Variants in PSME2 observed in about 807,000 individuals in gnomAD.
PSME2 encodes proteasome activator complex subunit 2.
Under a neutral mutation model 38.8 loss-of-function variants are expected in PSME2, and 20 were observed. That is an observed-to-expected ratio of 0.52 (90% CI 0.36 to 0.75). The LOEUF (loss-of-function observed/expected upper bound fraction) is 0.75, where lower values mean the gene tolerates loss of function less well. PSME2 is among the 30% of genes least tolerant of loss of function. The pLI is 0.00. For missense variants in PSME2, 227 were observed against 287.6 expected (o/e 0.79, Z 1.52); for synonymous variants, 82 against 102.5 (o/e 0.80, Z 1.21).
In PSME2 at chr14:24,143,384, A is replaced by G; in HGVS notation, c.*25T>C. The stretch of plus-strand genomic sequence containing the variant: ...AGGGAATCCACACAACATATAGATC[A>G]TTTATTTTCCTTCTAGTCCCGGGTT... On this transcript the variant is annotated 3_prime_UTR_variant, in exon 11 of 11. Transcript: ENST00000216802. This position sits in a 1 kb window ranked among gnomAD's most constrained non-coding sequence, Gnocchi z 4.4. 1.3e-6 allele frequency: 2 copies of G among 1,589,394 alleles called. No individual in the cohort carries two copies. Among genetic ancestry groups the G allele is most frequent in the South Asian group, 1.1e-5 (1 of 90,498 alleles).
intron 3 of PSME2, 34 bp downstream of exon 3, chr14:24,145,676 A>T: frequency 6.3e-7 from 1 of 1,596,402 alleles, no homozygotes; most frequent in Non-Finnish European, 8.6e-7. Context: ...GATAGAGGAC[A>T]TAGGATGGGG....
intron 6 of PSME2, 40 bp from the exon 7 acceptor site, chr14:24,144,508 A>G: frequency 6.4e-7 from 1 of 1,562,514 alleles, no homozygotes; most frequent in Non-Finnish European, 8.8e-7. Context: ...TTCAACAAAC[A>G]TACTGAGTTC....
In PSME2 at chr14:24,146,122, G is replaced by T; in HGVS notation, c.81+86C>A. ...AGGGAAGTAGGGTTAAGTCTAGGGT[G>T]ACTTGGGGGGGTCATTCTGAGAGGC... is the stretch of plus-strand genomic sequence containing the variant. On this transcript the variant is annotated intron_variant, in intron 2 of 10. Transcript: ENST00000216802. The T allele has an allele frequency of 2.0e-6, 3 of 1,506,356 alleles. No homozygotes were observed. In the South Asian group the frequency reaches 3.4e-5, roughly 17 times the overall value. 93.3% of individuals were successfully genotyped at this position (1,506,356 alleles called of 1,614,324 possible). A position where few individuals can be genotyped will look rare whatever the true frequency, so the allele number is the denominator to read the frequency against.
rs1235162548 is a variant in PSME2 at position 24,144,010 on chromosome 14, C to T, written c.517G>A (p.Asp173Asn). The change falls in exon 9 of 11, where the codon GAT becomes AAT. Residue 173 changes from aspartate (D) to asparagine (N), a missense_variant. Around this residue, in one of 3 missense-constraint regions of PSME2, gnomAD observed 99 missense variants for 113.9 expected, o/e 0.87. Transcript: ENST00000216802. ...TISKYFSERG[D>N]AVAKASKETH... ...TCCTTGGAGGCCTTGGCCACAGCAT[C>T]CCCACGTTCTGAGAAGTACCTGCCA... is the stretch of plus-strand genomic sequence containing the variant. The T allele has an allele frequency of 6.2e-7, 1 of 1,614,038 alleles. No individual in the cohort carries two copies. The highest frequency in any genetic ancestry group is 8.5e-7 in the Non-Finnish European group (1 of 1,180,026).
chr14:24,144,364 C>T (rs572093900), intron 7 of PSME2, 36 bp downstream of exon 7: 4 of 1,607,466 alleles, frequency 2.5e-6, no homozygotes, highest in Non-Finnish European at 3.4e-6. Flanking sequence ...CTGAGGCTCT[C>T]CCCACTCTAA....
At chr14:24,145,978 G>GA (rs1344708664) in intron 2 of PSME2, 55 of 815,726 alleles carry the variant, frequency 6.7e-5, no homozygotes, top group Non-Finnish European at 9.4e-5. Context: ...GGAAGCCATG[G>GA]TTTTTTTCCT....
chr14:24,143,399 A>C lies in PSME2; in HGVS notation c.*10T>G. On this transcript the variant is annotated 3_prime_UTR_variant, in exon 11 of 11. Coordinates refer to ENST00000216802, the MANE Select transcript of PSME2 (RefSeq NM_002818.3). This position sits in a 1 kb window ranked among gnomAD's most constrained non-coding sequence, Gnocchi z 4.4. ...CATATAGATCATTTATTTTCCTTCT[A>C]GTCCCGGGTTCAGTACATAGATGGC... 1 of 1,604,582 alleles carries C rather than the reference A, an allele frequency of 6.2e-7. No homozygotes were observed. Among genetic ancestry groups the C allele is most frequent in the East Asian group, 2.2e-5 (1 of 44,842 alleles).
Position 24,143,585 on chromosome 14 carries a change from A to G in PSME2, c.639T>C (p.Tyr213=). ...RAMVLDLRAF[Y]AELYHIISSN... is the part of the protein sequence containing the mutation. The stretch of plus-strand genomic sequence containing the variant: ...CCCTAAAGCCTTACTCCACACTCAC[A>G]TAGAAGGCCCTCAGGTCCAGCACCA... Residue 213 remains tyrosine (Y), a splice_region_variant and synonymous_variant, in exon 10 of 11, where the codon TAT becomes TAC. Transcript: ENST00000216802. The surrounding 1 kb of genome is among the most constrained non-coding windows in gnomAD (Gnocchi z 4.4). The G allele has an allele frequency of 6.2e-7, 1 of 1,614,038 alleles. No individual in the cohort carries two copies. The highest frequency in any genetic ancestry group is 8.5e-7 in the Non-Finnish European group (1 of 1,179,984).
intron 6 of PSME2, 136 bp from the exon 7 acceptor site, chr14:24,144,604 T>A (rs1178147332): frequency 1.2e-6 from 1 of 829,740 alleles, no homozygotes; most frequent in East Asian, 2.6e-5. Context: ...ATTTATTTCA[T>A]GTAATCATCA....
chr14:24,145,338 A>T (rs751134548), intron 4 of PSME2, 41 bp downstream of exon 4: 36 of 1,611,886 alleles, frequency 2.2e-5, no homozygotes, highest in Non-Finnish European at 1.4e-5. Flanking sequence ...TATCTTCTCC[A>T]TTGGGTTTAT....
At chr14:24,146,295 T>G in intron 1 of PSME2, 55 bp from the exon 2 acceptor site, 4 of 1,598,918 alleles carry the variant, frequency 2.5e-6, no homozygotes, top group Non-Finnish European at 3.4e-6. Context: ...GTCAAAAGCT[T>G]CCACCCACAA....
Position 24,143,449 on chromosome 14 carries a change from A to G in PSME2, c.680T>C (p.Ile227Thr), listed in dbSNP as rs1566608706. 6.2e-7 allele frequency: 1 copy of G among 1,614,008 alleles called. No homozygotes were observed. Among genetic ancestry groups the G allele is most frequent in the Non-Finnish European group, 8.5e-7 (1 of 1,179,982 alleles). ...YHIISSNLEK[I>T]VNPKGEEKPS... ...CTTTTCTTCACCCTTTGGGTTGACA[A>G]TTTTCTCCAGGTTGCTGCTGATGAT... is the stretch of plus-strand genomic sequence containing the variant. Residue 227 changes from isoleucine (I) to threonine (T), a missense_variant, in exon 11 of 11, where the codon ATT becomes ACT. By Grantham distance (89) the Ile-to-Thr change is moderately conservative. Around this residue, in one of 3 missense-constraint regions of PSME2, gnomAD observed 99 missense variants for 113.9 expected, o/e 0.87. Transcript: ENST00000216802. This position sits in a 1 kb window ranked among gnomAD's most constrained non-coding sequence, Gnocchi z 4.4.
Position 24,145,746 on chromosome 14 carries a change from C to T in PSME2, c.108G>A (p.Leu36=), listed in dbSNP as rs769822834. ...GATTCAGGTATATGATTTTCTGTGGCAAGAATCTGTAGAGGAATTCCTCAG... is the reference window on the plus strand; with the variant it reads ...GATTCAGGTATATGATTTTCTGTGGTAAGAATCTGTAGAGGAATTCCTCAG... ...QEAEEFLYRF[L]PQKIIYLNQL... is the part of the protein sequence containing the mutation. Residue 36 remains leucine, a synonymous_variant, in exon 3 of 11, where the codon TTG becomes TTA. Coordinates refer to ENST00000216802, the MANE Select transcript of PSME2 (RefSeq NM_002818.3). The T allele has an allele frequency of 1.2e-6, 2 of 1,614,000 alleles. No individual in the cohort carries two copies. Among genetic ancestry groups the T allele is most frequent in the Non-Finnish European group, 1.7e-6 (2 of 1,179,900 alleles).
chr14:24,144,909 G>C (rs1205422234), intron 6 of PSME2, 149 bp downstream of exon 6: 5 of 779,890 alleles, frequency 6.4e-6, no homozygotes, highest in Non-Finnish European at 1.1e-5. Flanking sequence ...ACAGAACGAG[G>C]AGAACAAAGG....
intron 3 of PSME2, 95 bp downstream of exon 3, chr14:24,145,615 T>A (rs2139069495): frequency 6.7e-7 from 1 of 1,500,544 alleles, no homozygotes. Context: ...TATTTGAAAC[T>A]ATTCTCTGCA....
Position 24,143,866 on chromosome 14 carries a change from G to A in PSME2, c.552+109C>T, listed in dbSNP as rs1323448591. On this transcript the variant is annotated intron_variant, in intron 9 of 10. Coordinates refer to ENST00000216802, the MANE Select transcript of PSME2 (RefSeq NM_002818.3). This position sits in a 1 kb window ranked among gnomAD's most constrained non-coding sequence, Gnocchi z 4.4. ...CCAGTTTTTCTAGGTAATGCTTTTA[G>A]CTTAATATTCTCCACATTGGGAAAG... 1 of 1,432,122 alleles carries A rather than the reference G, an allele frequency of 7.0e-7. No homozygotes were observed. The highest frequency in any genetic ancestry group is 9.8e-7 in the Non-Finnish European group (1 of 1,024,888). 88.7% of individuals were successfully genotyped at this position (1,432,122 alleles called of 1,614,324 possible).
intron 3 of PSME2, 47 bp from the exon 4 acceptor site, chr14:24,145,512 C>A: frequency 6.6e-7 from 1 of 1,526,038 alleles, no homozygotes. Flanking sequence ...TTCCCTTCAT[C>A]CTAGGTCACA....
intron 2 of PSME2, 61 bp downstream of exon 2, chr14:24,146,147 C>T: frequency 3.8e-6 from 6 of 1,578,936 alleles, no homozygotes. Context: ...TTCTGAGAGG[C>T]TGTTATCCTC....
At chr14:24,146,092 TG>T in intron 2 of PSME2, 115 bp downstream of exon 2, 1 of 1,309,968 alleles carries the variant, frequency 7.6e-7, no homozygotes, top group Non-Finnish European at 1.1e-6. Context: ...GGTGAAGGCT[TG>T]GTAAGGGAAG....
Sources: allele counts gnomAD v4.1 joint callset, GRCh38; gene constraint gnomAD v4.1.1; regional missense constraint gnomAD v4.1.1; non-coding constraint Gnocchi (gnomAD v3.1); transcripts MANE v1.5; gene names NCBI Gene and HGNC (gene_info 2026-07-23, HGNC 2026-07-21).